ABCC1: variants seen among roughly 807,000 people sequenced by gnomAD.
ABCC1 encodes multidrug resistance-associated protein 1.
A neutral mutation model predicts 172.9 loss-of-function variants in ABCC1; 83 were observed. The observed-to-expected ratio is 0.48, with a 90% CI of 0.40 to 0.58. ABCC1 has a LOEUF of 0.58. Among genes scored for constraint, ABCC1 ranks in the 20% least tolerant of loss-of-function variants. The pLI, the probability that ABCC1 is intolerant of heterozygous loss-of-function variation, is 0.00. For synonymous variants in ABCC1, 937 were observed against 825.2 expected (o/e 1.14, Z -2.32); for missense variants, 1,817 against 2,002.7 (o/e 0.91, Z 1.77).
intron 1 of ABCC1, among the ~76,000 whole-genome samples, chr16:15,977,099 T>G (rs1465523781): frequency 1.3e-5 from 2 of 152,178 alleles, no homozygotes; most frequent in South Asian, 2.1e-4. Context: ...TGGAAGGCTC[T>G]GGGGTCGGGG....
intron 1 of ABCC1, among the ~76,000 whole-genome samples, chr16:15,952,780 A>C (rs180756652): frequency 0.022 from 3,175 of 145,420 alleles, 144 homozygotes; most frequent in African/African-American, 0.078. Context: ...CTGTAATCCC[A>C]GCACTTTGGG....
intron 1 of ABCC1, among the ~76,000 whole-genome samples, chr16:15,985,321 G>A (rs954378165): frequency 1.3e-5 from 2 of 152,206 alleles, no homozygotes; most frequent in Non-Finnish European, 2.9e-5. Flanking sequence ...TGTCAAGGCA[G>A]GGACATGGCA....
rs147604518 is a variant in ABCC1, at chr16:16,075,567, G to C, written c.1913-759G>C. On this transcript the variant is annotated intron_variant, in intron 14 of 30. Coordinates refer to ENST00000399410, the MANE Select transcript of ABCC1 (RefSeq NM_004996.4). Reference sequence around the variant, plus strand: ...AATCGCCTGCGCCTGGGAGATGGAGGTTGCAGTAGGCCGAGATCGCACCAC... The same window carrying C: ...AATCGCCTGCGCCTGGGAGATGGAGCTTGCAGTAGGCCGAGATCGCACCAC... Among the ~76,000 whole-genome samples, 487 of 152,254 alleles carry C rather than the reference G, an allele frequency of 3.2e-3. 6 individuals are homozygous for C. The highest frequency in any genetic ancestry group is 0.011 in the Admixed American group (169 of 15,292).
chr16:16,084,091 TTC>T (rs1349948605), intron 17 of ABCC1, among the ~76,000 whole-genome samples: 1 of 152,160 alleles, frequency 6.6e-6, no homozygotes, highest in Non-Finnish European at 1.5e-5. Context: ...TTTCTTTTCT[TTC>T]TTTCTTTTTA....
intron 23 of ABCC1, among the ~76,000 whole-genome samples, chr16:16,115,587 T>C (rs1254988843): frequency 6.6e-6 from 1 of 152,074 alleles, no homozygotes; most frequent in Non-Finnish European, 1.5e-5. Context: ...GCTCAGGTGA[T>C]CCACCCACCT....
intron 1 of ABCC1, among the ~76,000 whole-genome samples, chr16:15,959,734 T>C (rs2151495130): frequency 6.6e-6 from 1 of 152,312 alleles, no homozygotes; most frequent in Non-Finnish European, 1.5e-5. Flanking sequence ...AGTGTCCCCT[T>C]AGTTTAACTG....
chr16:16,063,292 G>A (rs1159371482), intron 12 of ABCC1, among the ~76,000 whole-genome samples: 1 of 152,074 alleles, frequency 6.6e-6, no homozygotes, highest in East Asian at 1.9e-4. Context: ...CTTTTTAGTA[G>A]AGATGGGGTT....
intron 7 of ABCC1, among the ~76,000 whole-genome samples, chr16:16,043,649 T>C (rs1187276122): frequency 6.6e-6 from 1 of 151,750 alleles, no homozygotes; most frequent in Non-Finnish European, 1.5e-5. Flanking sequence ...TCACCCAGGC[T>C]GGAGTGCAAT....
intron 5 of ABCC1, among the ~76,000 whole-genome samples, chr16:16,030,907 G>T (rs576458039): frequency 1.8e-4 from 27 of 152,096 alleles, no homozygotes; most frequent in African/African-American, 6.0e-4. Flanking sequence ...CTGGAGTGTA[G>T]TGGCACGATC....
At chr16:16,040,092 A>ATGTG (rs2048918292) in intron 7 of ABCC1, among the ~76,000 whole-genome samples, 1 of 151,226 alleles carries the variant, frequency 6.6e-6, no homozygotes, top group Admixed American at 6.6e-5. Flanking sequence ...GTATGTATGT[A>ATGTG]TGTATGTATG....
chr16:16,051,627 G>A (rs1043020921), intron 10 of ABCC1, among the ~76,000 whole-genome samples: 3 of 152,170 alleles, frequency 2.0e-5, no homozygotes, highest in Admixed American at 6.6e-5. Context: ...TGTGTGAAAT[G>A]TTGCCAACCA....
chr16:16,100,945 G>C (rs1436849054), intron 19 of ABCC1, among the ~76,000 whole-genome samples: 1 of 152,160 alleles, frequency 6.6e-6, no homozygotes, highest in Non-Finnish European at 1.5e-5. Context: ...GACTGGGCTG[G>C]ACACGAGGGC....
In ABCC1 at chr16:16,086,870, G is replaced by A. The variant is rs761294419; in HGVS notation, c.2339G>A (p.Arg780Gln). Residue 780 changes from arginine (R) to glutamine (Q), a missense_variant, in exon 18 of 31, where the codon CGG becomes CAG. By Grantham distance (43) the Arg-to-Gln change is conservative. Around this residue, in one of 3 missense-constraint regions of ABCC1, gnomAD observed 1,412 missense variants for 1,600.3 expected, o/e 0.88. Transcript: ENST00000399410. ...GGQKQRVSLA[R>Q]AVYSNADIYL... ...CAGAAGCAGCGCGTGAGCCTGGCCC[G>A]GGCCGTGTACTCCAACGCTGACATT... 2.5e-6 allele frequency: 4 copies of A among 1,614,134 alleles called. No homozygotes were observed. Among genetic ancestry groups the A allele is most frequent in the Non-Finnish European group, 3.4e-6 (4 of 1,180,036 alleles).
chr16:16,085,448 T>G (rs1044288787), intron 17 of ABCC1, among the ~76,000 whole-genome samples: 1 of 152,172 alleles, frequency 6.6e-6, no homozygotes, highest in African/African-American at 2.4e-5. Flanking sequence ...GAATGATGTT[T>G]AAAAATTGAG....
rs747446397 is a variant in ABCC1, at chr16:16,036,502, G to A, written c.708G>A (p.Leu236=). 1 of 1,613,872 alleles carries A rather than the reference G, an allele frequency of 6.2e-7. No individual in the cohort carries two copies. Among genetic ancestry groups the A allele is most frequent in the African/African-American group, 1.3e-5 (1 of 74,934 alleles). ...TTGTCCGGGGCTACCGCCAGCCCCTGGAGGGCAGTGACCTCTGGTCCTTAA... is the reference window on the plus strand; with the variant it reads ...TTGTCCGGGGCTACCGCCAGCCCCTAGAGGGCAGTGACCTCTGGTCCTTAA... ...GLIVRGYRQP[L]EGSDLWSLNK... is the part of the protein sequence containing the mutation. Residue 236 remains leucine, a synonymous_variant, in exon 7 of 31, where the codon CTG becomes CTA. Coordinates refer to ENST00000399410, the MANE Select transcript of ABCC1 (RefSeq NM_004996.4).
intron 12 of ABCC1, among the ~76,000 whole-genome samples, chr16:16,064,040 C>G (rs1041069741): frequency 2.0e-5 from 3 of 152,096 alleles, no homozygotes; most frequent in African/African-American, 7.2e-5. Flanking sequence ...GTTCAGTTCC[C>G]CCAGAGAAAA....
chr16:15,961,618 C>G (rs543342605), intron 1 of ABCC1, among the ~76,000 whole-genome samples: 4 of 151,996 alleles, frequency 2.6e-5, no homozygotes, highest in Non-Finnish European at 4.4e-5. Flanking sequence ...AGAACGTGTT[C>G]GTTTGTGTGT....
chr16:16,136,522 A>C lies in ABCC1; in HGVS notation c.4170A>C (p.Pro1390=). The change falls in exon 29 of 31, where the codon CCA becomes CCC. Residue 1390 remains proline (P), a synonymous_variant. Transcript: ENST00000399410. ...FSGSLRMNLD[P]FSQYSDEEVW... ...GTTCCCTCCGAATGAACCTGGACCC[A>C]TTCAGCCAGTACTCGGATGAAGAAG... is the stretch of plus-strand genomic sequence containing the variant. The C allele has an allele frequency of 6.2e-7, 1 of 1,614,114 alleles. No individual in the cohort carries two copies. Among genetic ancestry groups the C allele is most frequent in the African/African-American group, 1.3e-5 (1 of 75,022 alleles).
intron 19 of ABCC1, among the ~76,000 whole-genome samples, chr16:16,098,655 T>C (rs2152045712): frequency 6.6e-6 from 1 of 152,282 alleles, no homozygotes; most frequent in Middle Eastern, 3.4e-3. Context: ...GTTATGACTT[T>C]GGAGAAAGGG....
Sources: allele counts gnomAD v4.1 joint callset (sites outside exome capture counted in the v4.1 genomes callset), GRCh38; gene constraint gnomAD v4.1.1; regional missense constraint gnomAD v4.1.1; transcripts MANE v1.5; gene names NCBI Gene and HGNC (gene_info 2026-07-23, HGNC 2026-07-21).